Variants in WFDC11 observed in about 807,000 individuals in gnomAD.
The protein encoded by WFDC11 is WAP four-disulfide core domain 11.
A neutral mutation model predicts 9.9 loss-of-function variants in WFDC11; 9 were observed. That is an observed-to-expected ratio of 0.91 (90% CI 0.55 to 1.58). The LOEUF (loss-of-function observed/expected upper bound fraction) is 1.58, where lower values mean the gene tolerates loss of function less well. WFDC11 is among the 40% of genes most tolerant of loss of function. The probability of loss-of-function intolerance (pLI) is 0.00; values close to 1 mark genes in which losing one functional copy is unlikely to be tolerated. For missense variants in WFDC11, 106 were observed against 101.7 expected, an observed-to-expected ratio of 1.04 and a Z score of -0.18; for synonymous variants, 32 against 33.3, an observed-to-expected ratio of 0.96 and a Z score of 0.13.
intron 2 of WFDC11, among the ~76,000 whole-genome samples, chr20:45,656,137 A>G (rs1013569640): frequency 9.9e-5 from 15 of 152,078 alleles, no homozygotes; most frequent in African/African-American, 2.9e-4. Context: ...TCAATCCTAA[A>G]CCAAAAGAAC....
chr20:45,656,807 A>G (rs1330522224), intron 2 of WFDC11, among the ~76,000 whole-genome samples: 1 of 152,248 alleles, frequency 6.6e-6, no homozygotes, highest in African/African-American at 2.4e-5. Context: ...GAAGACATTT[A>G]TGCAGCCAAA....
chr20:45,666,187 C>G (rs989685624), intron 2 of WFDC11, among the ~76,000 whole-genome samples: 3 of 152,248 alleles, frequency 2.0e-5, no homozygotes, highest in Admixed American at 6.5e-5. Flanking sequence ...GACTGCTGCA[C>G]TAGCAGTGAG....
chr20:45,665,665 TAGTC>T (rs1212555272), intron 2 of WFDC11, among the ~76,000 whole-genome samples: 2 of 152,206 alleles, frequency 1.3e-5, no homozygotes, highest in African/African-American at 4.8e-5. Flanking sequence ...TTCCTTCTAA[TAGTC>T]AGGTCCCTCA....
chr20:45,655,127 C>A (rs1013901834), intron 2 of WFDC11, among the ~76,000 whole-genome samples: 3 of 152,014 alleles, frequency 2.0e-5, no homozygotes, highest in South Asian at 4.1e-4. Context: ...GAGACACTAC[C>A]ATAAAAGATA....
intron 2 of WFDC11, among the ~76,000 whole-genome samples, chr20:45,651,477 T>C (rs1982804892): frequency 6.6e-6 from 1 of 152,050 alleles, no homozygotes; most frequent in Non-Finnish European, 1.5e-5. Flanking sequence ...AAATGAACAT[T>C]TAGGGGCTGA....
intron 3 of WFDC11, 37 bp downstream of exon 3, chr20:45,650,464 C>A: frequency 6.4e-7 from 1 of 1,557,184 alleles, no homozygotes; most frequent in Non-Finnish European, 8.9e-7. Flanking sequence ...CAAGCTCATC[C>A]CCCTCCTGTG....
chr20:45,667,354 G>A (rs1983207547), intron 1 of WFDC11, among the ~76,000 whole-genome samples, 185 bp from the exon 2 acceptor site: 2 of 152,198 alleles, frequency 1.3e-5, no homozygotes, highest in East Asian at 1.9e-4. Context: ...GATAGAGACA[G>A]AACACTGTGG....
chr20:45,665,052 C>T (rs1983158653), intron 2 of WFDC11, among the ~76,000 whole-genome samples: 1 of 152,174 alleles, frequency 6.6e-6, no homozygotes, highest in African/African-American at 2.4e-5. Context: ...TCAGGTACAC[C>T]AATCAAATGT....
At chr20:45,654,023 A>G (rs941299131) in intron 2 of WFDC11, among the ~76,000 whole-genome samples, 3 of 152,132 alleles carry the variant, frequency 2.0e-5, no homozygotes, top group African/African-American at 2.4e-5. Flanking sequence ...ACAGACCAAC[A>G]AGACAGAAAG....
intron 2 of WFDC11, among the ~76,000 whole-genome samples, chr20:45,656,900 T>C (rs1208774137): frequency 6.6e-6 from 1 of 152,180 alleles, no homozygotes; most frequent in African/African-American, 2.4e-5. Flanking sequence ...CTCACACCAG[T>C]TAGAATGGAG....
At chr20:45,669,771 C>T (rs1983259684) in intron 1 of WFDC11, among the ~76,000 whole-genome samples, 1 of 151,962 alleles carries the variant, frequency 6.6e-6, no homozygotes. Flanking sequence ...ACTTGAAAAA[C>T]AAGAGCAAAC....
chr20:45,653,281 C>T (rs1372726311), intron 2 of WFDC11, among the ~76,000 whole-genome samples: 1 of 152,134 alleles, frequency 6.6e-6, no homozygotes, highest in African/African-American at 2.4e-5. Flanking sequence ...ATTCAACATT[C>T]TTAAAGAAAA....
At chr20:45,665,280 C>T (rs899545698) in intron 2 of WFDC11, among the ~76,000 whole-genome samples, 2 of 152,166 alleles carry the variant, frequency 1.3e-5, no homozygotes, top group Non-Finnish European at 2.9e-5. Flanking sequence ...CATTTAAGGT[C>T]TTCTCTACAC....
chr20:45,655,952 T>G (rs6104276), intron 2 of WFDC11, among the ~76,000 whole-genome samples: 29,771 of 151,880 alleles, frequency 0.2, 3,215 homozygotes, highest in East Asian at 0.32. Context: ...ACAAATGGAA[T>G]AACATTCCAT....
At chr20:45,656,831 G>A (rs1380939401) in intron 2 of WFDC11, among the ~76,000 whole-genome samples, 1 of 152,168 alleles carries the variant, frequency 6.6e-6, no homozygotes, top group Non-Finnish European at 1.5e-5. Context: ...CACATGAAAA[G>A]ATGCTCATCA....
intron 2 of WFDC11, among the ~76,000 whole-genome samples, chr20:45,665,109 C>T (rs1983159953): frequency 6.6e-6 from 1 of 152,106 alleles, no homozygotes; most frequent in Non-Finnish European, 1.5e-5. Flanking sequence ...AGGCTTTGTT[C>T]ATTTCTTTTT....
At chr20:45,669,559 T>A (rs191844296) in intron 1 of WFDC11, among the ~76,000 whole-genome samples, 19 of 152,350 alleles carry the variant, frequency 1.2e-4, no homozygotes, top group African/African-American at 4.6e-4. Flanking sequence ...TACATGCTCC[T>A]GTTCCTGAAT....
At chr20:45,663,005 C>T (rs902124154) in intron 2 of WFDC11, among the ~76,000 whole-genome samples, 2 of 152,168 alleles carry the variant, frequency 1.3e-5, no homozygotes, top group Non-Finnish European at 2.9e-5. Flanking sequence ...GTACCAGCTC[C>T]TCTTTGTACC....
intron 1 of WFDC11, among the ~76,000 whole-genome samples, chr20:45,669,860 A>G (rs1321318045): frequency 3.3e-5 from 5 of 152,208 alleles, no homozygotes; most frequent in Non-Finnish European, 7.3e-5. Context: ...GGGAAACCAT[A>G]CAAAAGATCC....
Sources: gnomAD v4.1 joint callset for allele counts (sites outside exome capture counted in the v4.1 genomes callset) on GRCh38, gnomAD v4.1.1 for gene constraint, MANE v1.5 for transcripts, NCBI Gene and HGNC (gene_info 2026-07-23, HGNC 2026-07-21) for gene names.